PACRG: variants seen among roughly 807,000 people sequenced by gnomAD.
The protein encoded by PACRG is parkin coregulated gene protein.
In PACRG, 29 loss-of-function variants were observed where a neutral mutation model predicts 29.7. That is an observed-to-expected ratio of 0.98 (90% CI 0.73 to 1.33). The LOEUF (loss-of-function observed/expected upper bound fraction) is 1.33. Among genes scored for constraint, PACRG ranks in the 40% most tolerant of loss-of-function variants. PACRG has a pLI of 0.00. For missense variants in PACRG, 279 were observed against 316.2 expected (o/e 0.88, Z 0.89); for synonymous variants, 116 against 118.7 (o/e 0.98, Z 0.15).
chr6:163,069,646 C>T (rs374859495), intron 3 of PACRG, among the ~76,000 whole-genome samples: 4 of 42,624 alleles, frequency 9.4e-5, no homozygotes, highest in African/African-American at 5.7e-4. Flanking sequence ...AATAATGAAG[C>T]GCACACTTAC....
At chr6:162,804,788 ACT>A (rs151079785) in intron 1 of PACRG, among the ~76,000 whole-genome samples, 2,145 of 152,124 alleles carry the variant, frequency 0.014, 50 homozygotes, top group African/African-American at 0.049. Flanking sequence ...ATTTTTAAAG[ACT>A]CTATAGGATG....
intron 1 of PACRG, among the ~76,000 whole-genome samples, chr6:162,797,527 A>G (rs1785485410): frequency 6.6e-6 from 1 of 152,338 alleles, no homozygotes; most frequent in Admixed American, 6.5e-5. Context: ...TAAGTTCACT[A>G]ATATATGTCA....
chr6:163,031,013 C>T (rs1355451056), intron 2 of PACRG, among the ~76,000 whole-genome samples: 11 of 152,096 alleles, frequency 7.2e-5, no homozygotes, highest in South Asian at 2.1e-4. Context: ...GCTGAATAGG[C>T]GCAATGATAT....
intron 4 of PACRG, among the ~76,000 whole-genome samples, chr6:163,227,762 T>C (rs545214537): frequency 1.1e-4 from 17 of 152,316 alleles, no homozygotes; most frequent in Middle Eastern, 6.8e-3. Flanking sequence ...GCCTGTTCCA[T>C]TGAGACGAAC....
At chr6:163,161,761 G>A (rs1323650076) in intron 4 of PACRG, among the ~76,000 whole-genome samples, 1 of 152,088 alleles carries the variant, frequency 6.6e-6, no homozygotes, top group East Asian at 1.9e-4. Flanking sequence ...TCTGACATCG[G>A]GGTTCAAGTG....
At chr6:163,031,510 G>A (rs139075287) in intron 2 of PACRG, among the ~76,000 whole-genome samples, 118 of 152,342 alleles carry the variant, frequency 7.7e-4, no homozygotes, top group African/African-American at 2.8e-3. Context: ...AATAAGAAGT[G>A]TACCATAGTT....
At chr6:163,045,217 C>A (rs1809209116) in intron 2 of PACRG, among the ~76,000 whole-genome samples, 1 of 152,030 alleles carries the variant, frequency 6.6e-6, no homozygotes, top group Non-Finnish European at 1.5e-5. Flanking sequence ...TCCTCTGTGG[C>A]CAGCAGAGGG....
intron 2 of PACRG, among the ~76,000 whole-genome samples, chr6:162,932,064 A>C (rs1205886034): frequency 1.3e-5 from 2 of 152,050 alleles, no homozygotes; most frequent in South Asian, 4.1e-4. Flanking sequence ...ACTACAGACT[A>C]CTACTACTCA....
intron 2 of PACRG, among the ~76,000 whole-genome samples, chr6:163,004,779 A>G (rs527293036): frequency 6.7e-6 from 1 of 149,380 alleles, no homozygotes; most frequent in Non-Finnish European, 1.5e-5. Flanking sequence ...TAATCTATGT[A>G]TGGGATTTAA....
At chr6:162,782,450 G>C (rs1784162835) in intron 1 of PACRG, among the ~76,000 whole-genome samples, 1 of 151,812 alleles carries the variant, frequency 6.6e-6, no homozygotes, top group South Asian at 2.1e-4. Context: ...CATAAATAAG[G>C]CCACATTGTA....
chr6:163,175,306 A>G (rs892653828), intron 4 of PACRG, among the ~76,000 whole-genome samples: 2 of 152,170 alleles, frequency 1.3e-5, no homozygotes, highest in African/African-American at 2.4e-5. Context: ...GGGTGGAGCC[A>G]TCTGTTTGGG....
chr6:162,773,025 G>T (rs755991625), intron 1 of PACRG, among the ~76,000 whole-genome samples: 7 of 150,892 alleles, frequency 4.6e-5, no homozygotes, highest in Non-Finnish European at 8.9e-5. Context: ...ATGAAGAATG[G>T]ATTTAGAATC....
At chr6:163,014,519 T>C (rs770734801) in intron 2 of PACRG, among the ~76,000 whole-genome samples, 2 of 24 alleles carry the variant, frequency 0.083, no homozygotes, top group Non-Finnish European at 0.17. Flanking sequence ...CCAACATGTA[T>C]TTTTTTTTTT....
At chr6:163,064,733 C>A (rs1045954451) in intron 3 of PACRG, among the ~76,000 whole-genome samples, 7 of 152,126 alleles carry the variant, frequency 4.6e-5, no homozygotes, top group Middle Eastern at 3.4e-3. Flanking sequence ...ATTGACATAA[C>A]GTATAACATC....
intron 1 of PACRG, among the ~76,000 whole-genome samples, chr6:162,750,954 T>C (rs1233072681): frequency 2.6e-5 from 4 of 152,192 alleles, no homozygotes; most frequent in Non-Finnish European, 5.9e-5. Flanking sequence ...GGAAGGCATG[T>C]GAATGCTTAT....
chr6:162,937,563 A>T (rs969050887), intron 2 of PACRG, among the ~76,000 whole-genome samples: 1 of 152,198 alleles, frequency 6.6e-6, no homozygotes, highest in African/African-American at 2.4e-5. Context: ...TGACACTTGC[A>T]GGGTGAATTA....
intron 4 of PACRG, among the ~76,000 whole-genome samples, chr6:163,154,527 G>A (rs1305761424): frequency 6.6e-6 from 1 of 152,180 alleles, no homozygotes; most frequent in Non-Finnish European, 1.5e-5. Context: ...CTACGGGGGA[G>A]AAAAGGAATT....
rs539716817 is a variant in PACRG, at chr6:163,201,721, G to T, written c.613+112313G>T. On this transcript the variant is annotated intron_variant, in intron 4 of 4. Coordinates refer to ENST00000366888, the MANE Select transcript of PACRG (RefSeq NM_001080379.2). ...TGGTCACTGAGGTGCTTGGCCTCAG[G>T]CCACCACCTCACCTGCGCAATTAGG... 5.9e-5 allele frequency among the ~76,000 whole-genome samples: 9 copies of T among 152,358 alleles called. No individual in the cohort carries two copies. In the South Asian group the frequency reaches 1.9e-3, roughly 32 times the overall value.
intron 4 of PACRG, among the ~76,000 whole-genome samples, chr6:163,213,170 A>T (rs1189895705): frequency 6.6e-6 from 1 of 152,170 alleles, no homozygotes; most frequent in East Asian, 1.9e-4. Context: ...GCACAGTGGG[A>T]TATATCTGCC....
Sources: gnomAD v4.1 joint callset for allele counts (sites outside exome capture counted in the v4.1 genomes callset) on GRCh38, gnomAD v4.1.1 for gene constraint, MANE v1.5 for transcripts, NCBI Gene and HGNC (gene_info 2026-07-23, HGNC 2026-07-21) for gene names.